PTTG1IP2: variants seen among roughly 807,000 people sequenced by gnomAD.
PTTG1IP2 encodes PTTG1IP family member 2.
At chr7:90,489,273 T>C (rs1015020066) in intron 4 of PTTG1IP2, among the ~76,000 whole-genome samples, 1 of 151,924 alleles carries the variant, frequency 6.6e-6, no homozygotes, top group Non-Finnish European at 1.5e-5. Context: ...TTTCTTTTCA[T>C]GATTAATTTT....
At chr7:90,479,050 A>AAGAGGATTTATG (rs1393032816) in intron 1 of PTTG1IP2, among the ~76,000 whole-genome samples, 178 bp from the exon 2 acceptor site, 3 of 152,172 alleles carry the variant, frequency 2.0e-5, no homozygotes, top group Non-Finnish European at 4.4e-5. Flanking sequence ...ACTTAAAACT[A>AAGAGGATTTATG]AGAGGATTTA....
intron 4 of PTTG1IP2, among the ~76,000 whole-genome samples, chr7:90,489,569 TA>T (rs979673463): frequency 4.6e-5 from 7 of 151,976 alleles, no homozygotes; most frequent in African/African-American, 1.4e-4. Flanking sequence ...CTAAATTCTA[TA>T]AGCTTTCTCA....
chr7:90,471,907 C>A (rs933325735), intron 1 of PTTG1IP2, among the ~76,000 whole-genome samples: 1 of 152,096 alleles, frequency 6.6e-6, no homozygotes, highest in African/African-American at 2.4e-5. Context: ...TCCAAAGATA[C>A]CCCTTCATGG....
chr7:90,476,853 T>A (rs1167429278), intron 1 of PTTG1IP2, among the ~76,000 whole-genome samples: 1 of 152,160 alleles, frequency 6.6e-6, no homozygotes, highest in Non-Finnish European at 1.5e-5. Flanking sequence ...CCATTGTTTT[T>A]TTCTCTTAGC....
intron 4 of PTTG1IP2, among the ~76,000 whole-genome samples, chr7:90,489,423 A>G (rs11563866): frequency 0.038 from 5,827 of 151,562 alleles, 237 homozygotes; most frequent in East Asian, 0.12. Context: ...TAGTTATTAG[A>G]TCTTAAGATT....
At chr7:90,478,157 G>A (rs1797773806) in intron 1 of PTTG1IP2, among the ~76,000 whole-genome samples, 2 of 150,392 alleles carry the variant, frequency 1.3e-5, no homozygotes, top group Non-Finnish European at 3.0e-5. Flanking sequence ...GGGGTATACA[G>A]GAACTCCCTG....
intron 2 of PTTG1IP2, among the ~76,000 whole-genome samples, chr7:90,480,369 T>G (rs1797802085): frequency 6.6e-6 from 1 of 152,208 alleles, no homozygotes; most frequent in Non-Finnish European, 1.5e-5. Flanking sequence ...GTTGTTCACC[T>G]GAATACAATA....
intron 5 of PTTG1IP2, among the ~76,000 whole-genome samples, chr7:90,493,823 C>A (rs1797964795): frequency 6.6e-6 from 1 of 152,162 alleles, no homozygotes; most frequent in Non-Finnish European, 1.5e-5. Context: ...TCATAAGTGT[C>A]CTCTGGACTT....
At chr7:90,480,830 G>C (rs912092173) in intron 2 of PTTG1IP2, among the ~76,000 whole-genome samples, 3 of 151,954 alleles carry the variant, frequency 2.0e-5, no homozygotes, top group African/African-American at 7.3e-5. Flanking sequence ...TTACTTGTTG[G>C]AGAAACTAGA....
At chr7:90,477,992 G>A (rs1797769229) in intron 1 of PTTG1IP2, among the ~76,000 whole-genome samples, 1 of 151,054 alleles carries the variant, frequency 6.6e-6, no homozygotes, top group African/African-American at 2.4e-5. Flanking sequence ...AGCTACTCGG[G>A]AGGCTGAAGC....
In PTTG1IP2 at chr7:90,501,977, T is replaced by A. The variant is rs1245529611; in HGVS notation, c.*50+7547T>A. On this transcript the variant is annotated intron_variant, in intron 6 of 6. Transcript: ENST00000509356. Reference sequence around the variant, plus strand: ...GATGTTGGTTTATCAATTACATTTATGTAATATTCTAAACCCTTTGTAGTC... The same window carrying A: ...GATGTTGGTTTATCAATTACATTTAAGTAATATTCTAAACCCTTTGTAGTC... 2.0e-5 allele frequency among the ~76,000 whole-genome samples: 3 copies of A among 152,246 alleles called. No homozygotes were observed. The South Asian group carries it at 6.2e-4, about 31-fold the overall frequency.
At chr7:90,478,692 T>C (rs1201320487) in intron 1 of PTTG1IP2, among the ~76,000 whole-genome samples, 1 of 152,206 alleles carries the variant, frequency 6.6e-6, no homozygotes, top group East Asian at 1.9e-4. Context: ...AAATGCTTTT[T>C]TCCAAATTCA....
At chr7:90,475,720 G>A (rs1052182209) in intron 1 of PTTG1IP2, among the ~76,000 whole-genome samples, 1 of 152,152 alleles carries the variant, frequency 6.6e-6, no homozygotes, top group African/African-American at 2.4e-5. Context: ...CAGCACTTTG[G>A]GAGGCCAATG....
Position 90,513,354 on chromosome 7 carries a change from T to G in PTTG1IP2, c.*127T>G, listed in dbSNP as rs924489787. 5.2e-5 allele frequency: 8 copies of G among 152,634 alleles called. No individual in the cohort carries two copies. The highest frequency in any genetic ancestry group is 1.9e-4 in the African/African-American group (8 of 41,454). The allele number at this position is 152,634 out of a possible 1,614,324, so 9.5% of individuals were successfully genotyped here. ...CTTCCAAATTCCCTGAAGTTAAAAT[T>G]TTAAATTCTATTAAACATTTTTTCG... On this transcript the variant is annotated 3_prime_UTR_variant, in exon 7 of 7. Transcript: ENST00000509356.
chr7:90,502,693 A>C (rs1798073062), intron 6 of PTTG1IP2, among the ~76,000 whole-genome samples: 1 of 152,228 alleles, frequency 6.6e-6, no homozygotes, highest in Admixed American at 6.5e-5. Context: ...ACATTTTGAA[A>C]GGAATCTTTT....
chr7:90,510,941 C>A (rs748284973), intron 6 of PTTG1IP2, among the ~76,000 whole-genome samples: 8 of 152,174 alleles, frequency 5.3e-5, no homozygotes, highest in Non-Finnish European at 1.0e-4. Flanking sequence ...TTGGAGTTAA[C>A]TCTGGAATAC....
intron 2 of PTTG1IP2, among the ~76,000 whole-genome samples, chr7:90,486,024 G>C (rs1797870995): frequency 6.6e-6 from 1 of 152,182 alleles, no homozygotes; most frequent in Non-Finnish European, 1.5e-5. Flanking sequence ...AGATTTGACT[G>C]AATGGCTTGA....
At chr7:90,509,328 A>G (rs2116133060) in intron 6 of PTTG1IP2, among the ~76,000 whole-genome samples, 1 of 152,256 alleles carries the variant, frequency 6.6e-6, no homozygotes, top group Non-Finnish European at 1.5e-5. Context: ...GAAACTGGGA[A>G]GAAGTGACAG....
At chr7:90,476,599 C>T (rs898008977) in intron 1 of PTTG1IP2, among the ~76,000 whole-genome samples, 2 of 151,866 alleles carry the variant, frequency 1.3e-5, no homozygotes, top group Non-Finnish European at 2.9e-5. Flanking sequence ...TAGGATATAC[C>T]TTACAAATGC....
Sources: gnomAD v4.1 joint callset for allele counts (sites outside exome capture counted in the v4.1 genomes callset) on GRCh38, gnomAD v4.1.1 for gene constraint, MANE v1.5 for transcripts, NCBI Gene and HGNC (gene_info 2026-07-23, HGNC 2026-07-21) for gene names.